KIFAP3: variants seen among roughly 807,000 people sequenced by gnomAD.
KIFAP3 encodes kinesin associated protein 3, also known as kinesin-associated protein 3.
KIFAP3 carries 68 observed loss-of-function variants against 106.5 expected under a neutral mutation model. That is an observed-to-expected ratio of 0.64 (90% CI 0.53 to 0.78). The LOEUF is 0.78. Among genes scored for constraint, KIFAP3 ranks in the 30% least tolerant of loss-of-function variants. The pLI, the probability that KIFAP3 is intolerant of heterozygous loss-of-function variation, is 0.00. For synonymous variants in KIFAP3, 320 were observed against 311.5 expected, an observed-to-expected ratio of 1.03 and a Z score of -0.29; for missense variants, 780 against 941.8, an observed-to-expected ratio of 0.83 and a Z score of 2.25.
intron 19 of KIFAP3, among the ~76,000 whole-genome samples, chr1:169,935,606 T>A (rs1663747278): frequency 6.6e-6 from 1 of 152,000 alleles, no homozygotes; most frequent in Admixed American, 6.6e-5. Flanking sequence ...TATGTTCCTG[T>A]TTAAGTGTAT....
intron 18 of KIFAP3, among the ~76,000 whole-genome samples, chr1:169,956,050 C>T (rs1052712834): frequency 6.6e-6 from 1 of 151,966 alleles, no homozygotes; most frequent in African/African-American, 2.4e-5. Context: ...AACTAACAAA[C>T]TAACAAAACT....
intron 17 of KIFAP3, among the ~76,000 whole-genome samples, chr1:169,963,480 CTTCTT>C (rs951737887): frequency 2.0e-5 from 3 of 151,886 alleles, no homozygotes; most frequent in Admixed American, 6.6e-5. Flanking sequence ...AATAATGGGA[CTTCTT>C]TTCTTTTACC....
At chr1:170,011,739 G>C (rs973373215) in intron 10 of KIFAP3, among the ~76,000 whole-genome samples, 1 of 151,866 alleles carries the variant, frequency 6.6e-6, no homozygotes, top group Admixed American at 6.6e-5. Context: ...TTATAACACA[G>C]TTTCCTTACT....
intron 11 of KIFAP3, among the ~76,000 whole-genome samples, chr1:169,985,200 A>G (rs1227431770): frequency 6.6e-6 from 1 of 151,886 alleles, no homozygotes; most frequent in African/African-American, 2.4e-5. Context: ...GGAAGCTGCT[A>G]AAAGCTTCTA....
intron 10 of KIFAP3, among the ~76,000 whole-genome samples, chr1:170,005,695 C>T (rs1369504752): frequency 7.4e-5 from 8 of 107,860 alleles, no homozygotes; most frequent in African/African-American, 3.0e-4. Flanking sequence ...CATCACACAC[C>T]GGGAACTGTT....
chr1:169,951,807 A>T (rs1259442993), intron 19 of KIFAP3, among the ~76,000 whole-genome samples: 3 of 151,934 alleles, frequency 2.0e-5, no homozygotes, highest in Non-Finnish European at 4.4e-5. Flanking sequence ...TTTTCTTTAG[A>T]TTCACAGTAT....
intron 1 of KIFAP3, among the ~76,000 whole-genome samples, chr1:170,083,821 T>C (rs1672056813): frequency 6.6e-6 from 1 of 152,196 alleles, no homozygotes; most frequent in South Asian, 2.1e-4. Flanking sequence ...TTGGGGGAAA[T>C]ACCCATATTG....
In KIFAP3 at chr1:169,975,643, C is replaced by T. The variant is rs572962809; in HGVS notation, c.1897+2442G>A. On this transcript the variant is annotated intron_variant, in intron 16 of 19. Transcript: ENST00000361580. Reference sequence around the variant, plus strand: ...TTCAGTTTTTTTTTAGAGACAGAGCCTCGTTCTGTCATCCAGGCTGGAGTG... The same window carrying T: ...TTCAGTTTTTTTTTAGAGACAGAGCTTCGTTCTGTCATCCAGGCTGGAGTG... Among the ~76,000 whole-genome samples, 5 of 151,866 alleles carry T rather than the reference C, an allele frequency of 3.3e-5. No homozygotes were observed. In the East Asian group the frequency reaches 9.7e-4, roughly 29 times the overall value.
intron 1 of KIFAP3, among the ~76,000 whole-genome samples, chr1:170,071,888 A>G (rs1414922209): frequency 1.3e-5 from 2 of 152,228 alleles, no homozygotes; most frequent in Non-Finnish European, 1.5e-5. Flanking sequence ...TACCACACAG[A>G]TGGACCTTGA....
rs756750474 is a variant in KIFAP3, at chr1:169,983,363, G to A, written c.1413C>T (p.Leu471=). The change falls in exon 13 of 20, where the codon CTC becomes CTT. Residue 471 remains leucine (L), a synonymous_variant. Coordinates refer to ENST00000361580, the MANE Select transcript of KIFAP3 (RefSeq NM_014970.4). ...CCTTAAACTTCAGAGCCCTCTTCATGAGCATCTTCAGCCCATTTCCTGAAA... is the reference window on the plus strand; with the variant it reads ...CCTTAAACTTCAGAGCCCTCTTCATAAGCATCTTCAGCCCATTTCCTGAAA... ...LICEGNGLKM[L]MKRALKFKDP... is the part of the protein sequence containing the mutation. 10 of 1,607,334 alleles carry A rather than the reference G, an allele frequency of 6.2e-6. No individual in the cohort carries two copies. The highest frequency in any genetic ancestry group is 2.2e-5 in the East Asian group (1 of 44,596).
upstream of KIFAP3, among the ~76,000 whole-genome samples, chr1:170,078,019 C>T (rs1442663979): frequency 1.3e-5 from 2 of 151,986 alleles, no homozygotes; most frequent in African/African-American, 2.4e-5. Flanking sequence ...TATTTACATA[C>T]AGATTTTTGT....
intron 1 of KIFAP3, among the ~76,000 whole-genome samples, chr1:170,057,998 T>C (rs1195107793): frequency 6.6e-6 from 1 of 152,152 alleles, no homozygotes; most frequent in Non-Finnish European, 1.5e-5. Context: ...TGAGAAGTTA[T>C]GCTTCACAGA....
chr1:169,995,737 G>A (rs535288831), intron 10 of KIFAP3, among the ~76,000 whole-genome samples: 1 of 152,136 alleles, frequency 6.6e-6, no homozygotes, highest in African/African-American at 2.4e-5. Context: ...ATGTCCTGAG[G>A]TGGCACATCA....
intron 9 of KIFAP3, among the ~76,000 whole-genome samples, chr1:170,022,192 A>G (rs964345751): frequency 6.6e-6 from 1 of 151,626 alleles, no homozygotes; most frequent in Non-Finnish European, 1.5e-5. Flanking sequence ...CAGATGATCG[A>G]TCTGCCTTGG....
intron 16 of KIFAP3, among the ~76,000 whole-genome samples, chr1:169,975,622 G>T (rs1406774709): frequency 6.6e-6 from 1 of 150,494 alleles, no homozygotes; most frequent in Admixed American, 6.6e-5. Context: ...TTTATTTTCA[G>T]TTTTTTTTTA....
At chr1:170,019,157 G>T (rs1668677549) in intron 9 of KIFAP3, among the ~76,000 whole-genome samples, 1 of 152,056 alleles carries the variant, frequency 6.6e-6, no homozygotes, top group Non-Finnish European at 1.5e-5. Flanking sequence ...CACTCAAGAA[G>T]AAACAACCTA....
At chr1:169,934,449 A>C (rs1250961432) in intron 19 of KIFAP3, among the ~76,000 whole-genome samples, 1 of 152,144 alleles carries the variant, frequency 6.6e-6, no homozygotes, top group Non-Finnish European at 1.5e-5. Flanking sequence ...ATACTCAGTG[A>C]GTTTATTTTC....
chr1:169,969,391 C>T (rs1209680483), intron 17 of KIFAP3, among the ~76,000 whole-genome samples: 1 of 152,024 alleles, frequency 6.6e-6, no homozygotes, highest in Non-Finnish European at 1.5e-5. Context: ...TTTGCAGAGA[C>T]CATAACAACG....
intron 8 of KIFAP3, 149 bp downstream of exon 8, chr1:170,031,737 C>A: frequency 5.5e-6 from 3 of 549,856 alleles, no homozygotes; most frequent in South Asian, 3.2e-5. Flanking sequence ...ATTACCCATG[C>A]TAAAGACAGA....
Sources: allele counts gnomAD v4.1 joint callset (sites outside exome capture counted in the v4.1 genomes callset), GRCh38; gene constraint gnomAD v4.1.1; transcripts MANE v1.5; gene names NCBI Gene and HGNC (gene_info 2026-07-23, HGNC 2026-07-21).